Variants in PLCB1 observed in about 807,000 individuals in gnomAD.
The protein encoded by PLCB1 is phospholipase C beta 1.
A neutral mutation model predicts 161.8 loss-of-function variants in PLCB1; 46 were observed. The ratio of observed to expected loss-of-function variants is 0.28; its 90% CI spans 0.22 to 0.36. PLCB1 has a LOEUF of 0.36. Among genes scored for constraint, PLCB1 ranks in the 10% least tolerant of loss-of-function variants. The pLI, the probability that PLCB1 is intolerant of heterozygous loss-of-function variation, is 1.00. For missense variants in PLCB1, 1,016 were observed against 1,472.5 expected, an observed-to-expected ratio of 0.69 and a Z score of 5.07; for synonymous variants, 517 against 503.7, an observed-to-expected ratio of 1.03 and a Z score of -0.35.
intron 2 of PLCB1, among the ~76,000 whole-genome samples, chr20:8,348,358 TC>T (rs1986063849): frequency 6.6e-6 from 1 of 152,148 alleles, no homozygotes; most frequent in Non-Finnish European, 1.5e-5. Context: ...CCCTTATACT[TC>T]CCAAAGTCCC....
At chr20:8,464,658 T>C (rs1981731971) in intron 3 of PLCB1, among the ~76,000 whole-genome samples, 1 of 152,184 alleles carries the variant, frequency 6.6e-6, no homozygotes, top group Non-Finnish European at 1.5e-5. Context: ...TATATAATCA[T>C]AGCTGTGTAG....
chr20:8,483,804 CTTCAT>C (rs1262259101), intron 3 of PLCB1, among the ~76,000 whole-genome samples: 1 of 152,140 alleles, frequency 6.6e-6, no homozygotes, highest in African/African-American at 2.4e-5. Flanking sequence ...AACTGGCTTG[CTTCAT>C]TTCATAATGG....
intron 2 of PLCB1, among the ~76,000 whole-genome samples, chr20:8,286,711 C>T (rs1251661224): frequency 2.0e-5 from 3 of 152,174 alleles, no homozygotes; most frequent in Admixed American, 6.5e-5. Flanking sequence ...GCTCTTGAAT[C>T]TTTCTAAGCG....
At position 8,839,531 on chromosome 20, in the gene PLCB1, A is replaced by G. The variant is rs546786888; in HGVS notation, c.3424-42091A>G. ...ATTTAATATTATGTGTCATGTCCCAATAAAGCTTGGAAGTAGATCTTAACA... is the reference window on the plus strand; with the variant it reads ...ATTTAATATTATGTGTCATGTCCCAGTAAAGCTTGGAAGTAGATCTTAACA... On this transcript the variant is annotated intron_variant, in intron 31 of 31. Coordinates refer to ENST00000338037, the MANE Select transcript of PLCB1 (RefSeq NM_015192.4). Among the ~76,000 whole-genome samples, 17 of 152,272 alleles carry G rather than the reference A, an allele frequency of 1.1e-4. 1 individual carries two copies. The highest frequency in any genetic ancestry group is 3.4e-4 in the African/African-American group (14 of 41,562).
intron 3 of PLCB1, among the ~76,000 whole-genome samples, chr20:8,427,858 T>G (rs997928947): frequency 6.6e-6 from 1 of 152,198 alleles, no homozygotes; most frequent in African/African-American, 2.4e-5. Flanking sequence ...ACTGAATGTT[T>G]CATAATGTTC....
intron 31 of PLCB1, among the ~76,000 whole-genome samples, chr20:8,879,950 C>A (rs73089695): frequency 0.026 from 3,924 of 152,210 alleles, 77 homozygotes; most frequent in Middle Eastern, 0.075. Flanking sequence ...AGACAGGGAG[C>A]TATCAGAGTG....
At chr20:8,730,452 G>A (rs1980177596) in intron 18 of PLCB1, among the ~76,000 whole-genome samples, 1 of 150,718 alleles carries the variant, frequency 6.6e-6, no homozygotes, top group African/African-American at 2.4e-5. Context: ...TAATAAATTT[G>A]TCTGCCTTCC....
chr20:8,365,386 C>G (rs1257260303), intron 2 of PLCB1, among the ~76,000 whole-genome samples: 7 of 152,144 alleles, frequency 4.6e-5, no homozygotes, highest in Admixed American at 4.6e-4. Flanking sequence ...TATTGATGAC[C>G]TATACCTCTC....
chr20:8,516,583 C>T (rs539389386), intron 3 of PLCB1, among the ~76,000 whole-genome samples: 78 of 150,262 alleles, frequency 5.2e-4, no homozygotes, highest in African/African-American at 1.9e-3. Context: ...TAAATAGCCA[C>T]AGTCTTATTT....
chr20:8,534,217 C>A (rs1057067047), intron 3 of PLCB1, among the ~76,000 whole-genome samples: 1 of 152,188 alleles, frequency 6.6e-6, no homozygotes, highest in Non-Finnish European at 1.5e-5. Context: ...ACACTCCTAG[C>A]CTCCCCAGCA....
At chr20:8,224,104 T>C (rs1166080125) in intron 2 of PLCB1, among the ~76,000 whole-genome samples, 1 of 152,218 alleles carries the variant, frequency 6.6e-6, no homozygotes, top group Non-Finnish European at 1.5e-5. Flanking sequence ...GTAACTTAAT[T>C]TGCACATTTG....
At chr20:8,410,078 G>A (rs146506617) in intron 3 of PLCB1, among the ~76,000 whole-genome samples, 281 of 152,028 alleles carry the variant, frequency 1.8e-3, no homozygotes, top group African/African-American at 6.3e-3. Flanking sequence ...TTTTCTCTCT[G>A]GGTTGGTTCA....
intron 3 of PLCB1, among the ~76,000 whole-genome samples, chr20:8,521,891 C>G (rs773647813): frequency 3.9e-5 from 6 of 152,156 alleles, no homozygotes; most frequent in Non-Finnish European, 7.4e-5. Flanking sequence ...ACACAGAAAC[C>G]AAACAAAGTT....
intron 11 of PLCB1, among the ~76,000 whole-genome samples, chr20:8,698,358 A>G (rs569095269): frequency 1.3e-5 from 2 of 152,274 alleles, no homozygotes; most frequent in African/African-American, 4.8e-5. Flanking sequence ...TCACTTGTAA[A>G]TTGATTCACA....
chr20:8,581,580 G>A (rs1986834582), intron 3 of PLCB1, among the ~76,000 whole-genome samples: 1 of 152,138 alleles, frequency 6.6e-6, no homozygotes, highest in African/African-American at 2.4e-5. Flanking sequence ...TGGGAAATCA[G>A]GAAGGTAAAG....
chr20:8,677,060 C>CA (rs1178508969), intron 9 of PLCB1, among the ~76,000 whole-genome samples: 2 of 151,870 alleles, frequency 1.3e-5, no homozygotes, highest in Non-Finnish European at 2.9e-5. Context: ...GAGAGTAAAG[C>CA]AAAAAAATTA....
In PLCB1 at chr20:8,523,496, C is replaced by CTA. The variant is rs777011717; in HGVS notation, c.247-104774_247-104773dup. On this transcript the variant is annotated intron_variant, in intron 3 of 31. Transcript: ENST00000338037. Reference sequence around the variant, plus strand: ...TCTCTCTCTCTCTCTCTCTCTCTCTCTATATATATATATATATATATATAT... The same window carrying CTA: ...TCTCTCTCTCTCTCTCTCTCTCTCTCTATATATATATATATATATATATATAT... Among the ~76,000 whole-genome samples the CTA allele has an allele frequency of 9.2e-3, 473 of 51,596 alleles. 27 individuals are homozygous for CTA. Among genetic ancestry groups the CTA allele is most frequent in the African/African-American group, 0.021 (260 of 12,100 alleles). The allele number at this position is 51,596 out of a possible 152,430, so 33.8% of individuals were successfully genotyped here.
At chr20:8,320,532 A>G (rs113744772) in intron 2 of PLCB1, among the ~76,000 whole-genome samples, 8 of 152,298 alleles carry the variant, frequency 5.3e-5, no homozygotes, top group Admixed American at 2.0e-4. Flanking sequence ...CTAAACCCCT[A>G]TTCTACAGCT....
chr20:8,482,092 ATTT>A (rs199634903), intron 3 of PLCB1, among the ~76,000 whole-genome samples: 40 of 104,878 alleles, frequency 3.8e-4, no homozygotes, highest in African/African-American at 1.3e-3. Context: ...GCTTGAAGGA[ATTT>A]TTTTTTTTTT....
Sources: gnomAD v4.1 joint callset for allele counts (sites outside exome capture counted in the v4.1 genomes callset) on GRCh38, gnomAD v4.1.1 for gene constraint, MANE v1.5 for transcripts, NCBI Gene and HGNC (gene_info 2026-07-23, HGNC 2026-07-21) for gene names.